Variants in ALPK1 observed in about 807,000 individuals in gnomAD.
ALPK1 encodes the protein alpha-protein kinase 1.
Under a neutral mutation model 120.6 loss-of-function variants are expected in ALPK1, and 110 were observed. That is an observed-to-expected ratio of 0.91 (90% CI 0.78 to 1.07). The LOEUF is 1.07. ALPK1 is among the 50% of genes least tolerant of loss of function. The pLI is 0.00. For synonymous variants in ALPK1, 582 were observed against 560.3 expected (o/e 1.04, Z -0.55); for missense variants, 1,498 against 1,483.9 (o/e 1.01, Z -0.16).
rs529361422 is a variant in ALPK1, at chr4:112,411,793, G to T, written c.277-34G>T. ...TGGCCCTCAGCCTGCCAGCGTTTCC[G>T]CCTGGCTCACGATGTTCCACGCTGT... On this transcript the variant is annotated intron_variant, in intron 4 of 15. Coordinates refer to ENST00000650871, the MANE Select transcript of ALPK1 (RefSeq NM_025144.4). 6 of 1,577,906 alleles carry T rather than the reference G, an allele frequency of 3.8e-6. No homozygotes were observed. The African/African-American group carries it at 6.8e-5, about 18-fold the overall frequency.
rs114583048 is a variant in ALPK1, at chr4:112,375,096, C to T, written c.-100-2582C>T. On this transcript the variant is annotated intron_variant, in intron 2 of 15. Coordinates refer to ENST00000650871, the MANE Select transcript of ALPK1 (RefSeq NM_025144.4). ...CCCCTCTAGATATGAAAGTCCTAGACGGTATCTTCTTCCACTACAAGGCTG... is the reference window on the plus strand; with the variant it reads ...CCCCTCTAGATATGAAAGTCCTAGATGGTATCTTCTTCCACTACAAGGCTG... 3.9e-3 allele frequency among the ~76,000 whole-genome samples: 592 copies of T among 152,168 alleles called. 1 individual carries two copies. Among genetic ancestry groups the T allele is most frequent in the Non-Finnish European group, 5.9e-3 (404 of 67,996 alleles).
At chr4:112,341,439 T>C (rs1328342490) in intron 2 of ALPK1, among the ~76,000 whole-genome samples, 1 of 152,242 alleles carries the variant, frequency 6.6e-6, no homozygotes, top group African/African-American at 2.4e-5. Flanking sequence ...TTAACTTCCA[T>C]TTTATTTGAC....
At chr4:112,327,677 T>C (rs1416457283) in intron 2 of ALPK1, among the ~76,000 whole-genome samples, 1 of 152,186 alleles carries the variant, frequency 6.6e-6, no homozygotes, top group Admixed American at 6.5e-5. Flanking sequence ...ATTCCTGGCA[T>C]CAGGTGATCC....
chr4:112,336,254 A>G (rs552675571), intron 2 of ALPK1, among the ~76,000 whole-genome samples: 6 of 152,302 alleles, frequency 3.9e-5, no homozygotes, highest in African/African-American at 7.2e-5. Flanking sequence ...GAGCAGCCAC[A>G]CACAGTGGAG....
intron 4 of ALPK1, among the ~76,000 whole-genome samples, chr4:112,409,784 G>A (rs17044631): frequency 0.13 from 19,222 of 152,074 alleles, 1,347 homozygotes; most frequent in African/African-American, 0.19. Context: ...GAAAGAGGCC[G>A]AGGACGCTAC....
intron 1 of ALPK1, among the ~76,000 whole-genome samples, chr4:112,300,451 G>C (rs769657021): frequency 6.6e-6 from 1 of 151,634 alleles, no homozygotes; most frequent in African/African-American, 2.4e-5. Flanking sequence ...ATAATATATA[G>C]TAAATAAAAC....
chr4:112,430,786 C>T lies in ALPK1; in HGVS notation c.1239C>T (p.Ala413=), dbSNP rs1578569238. The part of the protein sequence containing the change: ...ALSQEVMSVI[A]QVKEHLQVQS... ...CTCAAGAAGTTATGTCTGTGATTGC[C>T]CAGGTGAAGGAACATTTACAAGTTC... Residue 413 remains alanine, a synonymous_variant, in exon 11 of 16, where the codon GCC becomes GCT. Transcript: ENST00000650871. 1.2e-6 allele frequency: 2 copies of T among 1,614,140 alleles called. No homozygotes were observed. The highest frequency in any genetic ancestry group is 4.5e-5 in the East Asian group (2 of 44,884).
chr4:112,356,676 TG>T, intron 2 of ALPK1: 2 of 964,084 alleles, frequency 2.1e-6, no homozygotes, highest in Non-Finnish European at 3.3e-6. Flanking sequence ...GAGAAAAGCC[TG>T]GAGCAGGAGC....
chr4:112,332,510 A>G (rs908279840), intron 2 of ALPK1, among the ~76,000 whole-genome samples: 5 of 152,212 alleles, frequency 3.3e-5, no homozygotes, highest in African/African-American at 1.2e-4. Context: ...CAGCAGATTC[A>G]TTGACTGGTT....
intron 2 of ALPK1, among the ~76,000 whole-genome samples, chr4:112,334,606 GGTGGTTTTAAA>G (rs1207203591): frequency 6.6e-6 from 1 of 152,060 alleles, no homozygotes; most frequent in Non-Finnish European, 1.5e-5. Flanking sequence ...AAAGTTTTAA[GGTGGTTTTAAA>G]GCTTAGTTCT....
chr4:112,407,300 G>A (rs1242262226), intron 4 of ALPK1, among the ~76,000 whole-genome samples: 1 of 152,176 alleles, frequency 6.6e-6, no homozygotes, highest in Non-Finnish European at 1.5e-5. Context: ...CAAATTTTAT[G>A]TTATGCATTT....
chr4:112,401,480 A>G (rs549529166), intron 4 of ALPK1, among the ~76,000 whole-genome samples: 148 of 152,328 alleles, frequency 9.7e-4, no homozygotes, highest in African/African-American at 3.3e-3. Context: ...CTAAGTTATG[A>G]CCAACCATGA....
At chr4:112,405,960 G>A (rs953639944) in intron 4 of ALPK1, among the ~76,000 whole-genome samples, 2 of 152,142 alleles carry the variant, frequency 1.3e-5, no homozygotes, top group African/African-American at 4.8e-5. Flanking sequence ...ATGAACTGAT[G>A]CTCAAGAGAG....
chr4:112,319,964 A>G (rs1728794818), intron 2 of ALPK1, among the ~76,000 whole-genome samples: 1 of 152,166 alleles, frequency 6.6e-6, no homozygotes, highest in Admixed American at 6.5e-5. Context: ...AGGGTTTTCT[A>G]GGTATACAAT....
Position 112,431,521 on chromosome 4 carries a change from G to T in ALPK1, c.1974G>T (p.Leu658Phe). 1 of 1,614,176 alleles carries T rather than the reference G, an allele frequency of 6.2e-7. No individual in the cohort carries two copies. The highest frequency in any genetic ancestry group is 8.5e-7 in the Non-Finnish European group (1 of 1,180,044). Residue 658 changes from leucine (L) to phenylalanine (F), a missense_variant, in exon 11 of 16, where the codon TTG becomes TTT. Coordinates refer to ENST00000650871, the MANE Select transcript of ALPK1 (RefSeq NM_025144.4). ...TTCAGGAACCCAACAATGACAATTTGGAGCCTTCTCAAAATCAGCCACAGC... is the reference window on the plus strand; with the variant it reads ...TTCAGGAACCCAACAATGACAATTTTGAGCCTTCTCAAAATCAGCCACAGC... ...LSLQEPNNDN[L>F]EPSQNQPQQQ...
At chr4:112,391,635 G>A (rs1732425245) in intron 4 of ALPK1, among the ~76,000 whole-genome samples, 1 of 152,210 alleles carries the variant, frequency 6.6e-6, no homozygotes, top group South Asian at 2.1e-4. Context: ...GCCATGTGAT[G>A]ATAGAGGCAG....
At chr4:112,387,664 G>A (rs1240516535) in intron 4 of ALPK1, among the ~76,000 whole-genome samples, 1 of 152,164 alleles carries the variant, frequency 6.6e-6, no homozygotes, top group Non-Finnish European at 1.5e-5. Flanking sequence ...GCCCTGGAGT[G>A]ATTTGAAAAG....
intron 2 of ALPK1, among the ~76,000 whole-genome samples, chr4:112,341,569 T>C (rs1331226039): frequency 2.0e-5 from 3 of 152,232 alleles, no homozygotes; most frequent in African/African-American, 4.8e-5. Context: ...TGTCTTTTTT[T>C]AAAGAGCTTT....
At chr4:112,327,119 T>C (rs554096947) in intron 2 of ALPK1, among the ~76,000 whole-genome samples, 1 of 152,316 alleles carries the variant, frequency 6.6e-6, no homozygotes, top group East Asian at 1.9e-4. Context: ...CATTCTAGGT[T>C]TGAAATATAG....
Sources: gnomAD v4.1 joint callset for allele counts (sites outside exome capture counted in the v4.1 genomes callset) on GRCh38, gnomAD v4.1.1 for gene constraint, MANE v1.5 for transcripts, NCBI Gene and HGNC (gene_info 2026-07-23, HGNC 2026-07-21) for gene names.